HMGB1: variants seen among roughly 807,000 people sequenced by gnomAD.
The protein encoded by HMGB1 is high mobility group protein B1.
For synonymous variants in HMGB1, 81 were observed against 84.0 expected, an observed-to-expected ratio of 0.96 and a Z score of 0.19; for missense variants, 79 against 253.5, an observed-to-expected ratio of 0.31 and a Z score of 4.67.
intron 1 of HMGB1, among the ~76,000 whole-genome samples, chr13:30,544,603 C>G (rs1869059374): frequency 6.6e-6 from 1 of 152,202 alleles, no homozygotes; most frequent in Non-Finnish European, 1.5e-5. Context: ...CGTGGTGCCC[C>G]TGAAAAGGGC....
chr13:30,503,647 C>CTTT (rs10590461), intron 1 of HMGB1, among the ~76,000 whole-genome samples: 401 of 106,032 alleles, frequency 3.8e-3, no homozygotes, highest in African/African-American at 6.3e-3. Context: ...TACTCAGCTT[C>CTTT]TTTTTTTTTT....
intron 1 of HMGB1, among the ~76,000 whole-genome samples, chr13:30,515,722 G>A (rs1888088294): frequency 6.7e-6 from 1 of 150,308 alleles, no homozygotes; most frequent in Non-Finnish European, 1.5e-5. Flanking sequence ...ATTCTAGAAG[G>A]GATGTTTTTA....
chr13:30,577,591 C>T (rs913764660), intron 1 of HMGB1, among the ~76,000 whole-genome samples: 4 of 152,186 alleles, frequency 2.6e-5, no homozygotes, highest in Non-Finnish European at 5.9e-5. Context: ...CATCTACCTA[C>T]CTAGCAGTAT....
chr13:30,570,569 T>C lies in HMGB1; in HGVS notation c.-15+46102A>G, dbSNP rs531359102. ...GTCTACTTACATATCCTTCATGTAA[T>C]TGAGCTTTTGTAAATCATCTTTCTA... On this transcript the variant is annotated intron_variant, in intron 1 of 4. Transcript: ENST00000405805. Among the ~76,000 whole-genome samples the C allele has an allele frequency of 1.6e-4, 24 of 152,350 alleles. No individual in the cohort carries two copies. The South Asian group carries it at 3.7e-3, about 24-fold the overall frequency.
chr13:30,499,282 C>T (rs1003799947), intron 1 of HMGB1, among the ~76,000 whole-genome samples: 5 of 152,128 alleles, frequency 3.3e-5, no homozygotes, highest in Non-Finnish European at 7.4e-5. Context: ...GCAAATTCTT[C>T]GCCCCGAAGA....
chr13:30,522,436 C>T (rs1408594817), intron 1 of HMGB1, among the ~76,000 whole-genome samples: 1 of 151,946 alleles, frequency 6.6e-6, no homozygotes, highest in Admixed American at 6.6e-5. Flanking sequence ...AGACCATTGC[C>T]TTTTTACCCC....
At chr13:30,474,959 G>GTTT (rs776923842) in intron 1 of HMGB1, among the ~76,000 whole-genome samples, 1 of 64,032 alleles carries the variant, frequency 1.6e-5, no homozygotes, top group Non-Finnish European at 2.6e-5. Context: ...TTCTTTTTTT[G>GTTT]TTTTTTTTTT....
intron 1 of HMGB1, among the ~76,000 whole-genome samples, chr13:30,573,639 T>C (rs1428370434): frequency 3.3e-5 from 5 of 151,266 alleles, no homozygotes; most frequent in African/African-American, 1.2e-4. Flanking sequence ...GTCAAATGAA[T>C]CTAGCATTTT....
intron 1 of HMGB1, among the ~76,000 whole-genome samples, chr13:30,538,816 CCTTT>C (rs1417632888): frequency 5.6e-5 from 4 of 71,864 alleles, no homozygotes; most frequent in Admixed American, 3.1e-4. Context: ...TCTCTCTCCC[CCTTT>C]CTTTCTTTTT....
intron 1 of HMGB1, among the ~76,000 whole-genome samples, chr13:30,543,954 G>A (rs931316512): frequency 1.3e-5 from 2 of 152,194 alleles, no homozygotes; most frequent in Non-Finnish European, 2.9e-5. Context: ...AAGCAACTCT[G>A]CTTATATTGT....
At chr13:30,526,646 C>A (rs1310644258) in intron 1 of HMGB1, among the ~76,000 whole-genome samples, 2 of 152,196 alleles carry the variant, frequency 1.3e-5, no homozygotes, top group African/African-American at 2.4e-5. Context: ...CTACGAGGAA[C>A]CTGACAGTGC....
chr13:30,549,133 C>CA (rs1289354867), intron 1 of HMGB1, among the ~76,000 whole-genome samples: 21 of 151,898 alleles, frequency 1.4e-4, no homozygotes, highest in African/African-American at 5.1e-4. Context: ...CCCATCTCTA[C>CA]AAAAAATAAG....
At chr13:30,525,949 G>A (rs766202848) in intron 1 of HMGB1, among the ~76,000 whole-genome samples, 29 of 152,264 alleles carry the variant, frequency 1.9e-4, no homozygotes, top group Non-Finnish European at 4.0e-4. Context: ...TGTCCGCTTT[G>A]GCCTCCCAAA....
At chr13:30,492,377 G>A (rs902051069) in intron 1 of HMGB1, among the ~76,000 whole-genome samples, 2 of 150,592 alleles carry the variant, frequency 1.3e-5, no homozygotes, top group South Asian at 2.1e-4. Flanking sequence ...AGCATAGAAT[G>A]AAAAAATATT....
At chr13:30,609,263 AAAAC>A (rs1038565029) in intron 1 of HMGB1, among the ~76,000 whole-genome samples, 16 of 152,312 alleles carry the variant, frequency 1.1e-4, no homozygotes, top group African/African-American at 2.4e-4. Flanking sequence ...CCGTCTCAAA[AAAAC>A]AAACAAACAA....
chr13:30,497,780 T>C (rs1887643576), intron 1 of HMGB1, among the ~76,000 whole-genome samples: 1 of 152,168 alleles, frequency 6.6e-6, no homozygotes, highest in African/African-American at 2.4e-5. Flanking sequence ...GCAAAGGATA[T>C]GATCTTATTC....
chr13:30,515,885 C>G (rs139267157), intron 1 of HMGB1, among the ~76,000 whole-genome samples: 2 of 152,260 alleles, frequency 1.3e-5, no homozygotes, highest in Non-Finnish European at 2.9e-5. Context: ...GGTAAAATTT[C>G]TTTGCATGAA....
At chr13:30,502,728 G>A (rs1053057462) in intron 1 of HMGB1, among the ~76,000 whole-genome samples, 2 of 151,590 alleles carry the variant, frequency 1.3e-5, no homozygotes, top group African/African-American at 2.4e-5. Flanking sequence ...GCACAATCCC[G>A]GCTCACTGCA....
chr13:30,571,224 A>G (rs554317921), intron 1 of HMGB1, among the ~76,000 whole-genome samples: 1 of 152,124 alleles, frequency 6.6e-6, no homozygotes, highest in Non-Finnish European at 1.5e-5. Flanking sequence ...AACAATGTAG[A>G]AAGTTTGACA....
Sources: allele counts gnomAD v4.1 joint callset (sites outside exome capture counted in the v4.1 genomes callset), GRCh38; gene constraint gnomAD v4.1.1; transcripts MANE v1.5; gene names NCBI Gene and HGNC (gene_info 2026-07-23, HGNC 2026-07-21).